The following MSANTD3 variants were observed in gnomAD, a reference collection of about 807,000 sequenced individuals.
The protein encoded by MSANTD3 is myb/SANT-like DNA-binding domain-containing protein 3.
Under a neutral mutation model 27.7 loss-of-function variants are expected in MSANTD3, and 11 were observed. That is an observed-to-expected ratio of 0.40 (90% CI 0.25 to 0.66). The LOEUF is 0.66. MSANTD3 is among the 30% of genes least tolerant of loss of function. The pLI, the probability that MSANTD3 is intolerant of heterozygous loss-of-function variation, is 0.41. For missense variants in MSANTD3, 250 were observed against 336.5 expected (o/e 0.74, Z 2.01); for synonymous variants, 131 against 127.2 (o/e 1.03, Z -0.20).
At chr9:100,444,299 T>C (rs1836700715) in intron 2 of MSANTD3, 1 of 152,210 alleles carries the variant, frequency 6.6e-6, no homozygotes, top group African/African-American at 2.4e-5. Flanking sequence ...GGGAATGTTG[T>C]GTCTGAGTTT....
intron 1 of MSANTD3, among the ~76,000 whole-genome samples, chr9:100,440,205 T>C (rs1836575453): frequency 6.6e-6 from 1 of 152,162 alleles, no homozygotes; most frequent in African/African-American, 2.4e-5. Context: ...ATGGGAATCA[T>C]GGTTGAATCA....
chr9:100,435,503 T>G (rs1012154499), intron 1 of MSANTD3, among the ~76,000 whole-genome samples: 1 of 152,328 alleles, frequency 6.6e-6, no homozygotes, highest in African/African-American at 2.4e-5. Context: ...ATTAGTCTTC[T>G]CAGGCTACCA....
At chr9:100,437,976 T>G (rs183605280) in intron 1 of MSANTD3, among the ~76,000 whole-genome samples, 1 of 152,320 alleles carries the variant, frequency 6.6e-6, no homozygotes, top group East Asian at 1.9e-4. Flanking sequence ...TCATTATTAT[T>G]ACTCTGAGAC....
intron 1 of MSANTD3, among the ~76,000 whole-genome samples, chr9:100,441,212 G>A (rs1043365343): frequency 1.3e-5 from 2 of 151,602 alleles, no homozygotes; most frequent in Non-Finnish European, 2.9e-5. Flanking sequence ...TTTTATATTT[G>A]AGTACACGGT....
rs775738228 is a variant in MSANTD3 at position 100,450,938 on chromosome 9, T to G, written c.800T>G (p.Phe267Cys). 6.2e-7 allele frequency: 1 copy of G among 1,601,596 alleles called. No individual in the cohort carries two copies. The highest frequency in any genetic ancestry group is 1.1e-5 in the South Asian group (1 of 88,472). Residue 267 changes from phenylalanine to cysteine, a missense_variant, in exon 3 of 3, where the codon TTT becomes TGT. Coordinates refer to ENST00000395067, the MANE Select transcript of MSANTD3 (RefSeq NM_080655.3). ...ACCAAGGAATGGCCTGTTTCCTCAT[T>G]TAACCGGCCCTTTCCCAATTCGCCC... ...TFTKEWPVSS[F>C]NRPFPNSP is the part of the protein sequence containing the mutation.
chr9:100,448,035 AC>A (rs1307962665), intron 2 of MSANTD3, among the ~76,000 whole-genome samples: 1 of 152,036 alleles, frequency 6.6e-6, no homozygotes, highest in East Asian at 1.9e-4. Context: ...TACCAAAAAT[AC>A]AAAAAATTAA....
At chr9:100,440,554 C>T (rs1181257654) in intron 1 of MSANTD3, among the ~76,000 whole-genome samples, 1 of 151,686 alleles carries the variant, frequency 6.6e-6, no homozygotes. Flanking sequence ...GTTGCCATTG[C>T]TCCAGGTACA....
intron 2 of MSANTD3, among the ~76,000 whole-genome samples, chr9:100,443,764 C>T (rs933652382): frequency 6.6e-6 from 1 of 152,118 alleles, no homozygotes; most frequent in African/African-American, 2.4e-5. Context: ...GATAAATTTC[C>T]AGAAATTCCT....
intron 2 of MSANTD3, among the ~76,000 whole-genome samples, chr9:100,443,700 A>T (rs1241062080): frequency 6.6e-6 from 1 of 152,220 alleles, no homozygotes; most frequent in Admixed American, 6.5e-5. Context: ...AAAAGGTTGG[A>T]ATTTAGGGGC....
At chr9:100,449,155 C>A in intron 2 of MSANTD3, 1 of 985,392 alleles carries the variant, frequency 1.0e-6, no homozygotes, top group Non-Finnish European at 1.2e-6. Context: ...GCCTTAGAGT[C>A]ACAGCTACAA....
At chr9:100,441,485 A>C (rs1836619317) in intron 1 of MSANTD3, among the ~76,000 whole-genome samples, 1 of 151,398 alleles carries the variant, frequency 6.6e-6, no homozygotes, top group Non-Finnish European at 1.5e-5. Flanking sequence ...ACTACAAAAA[A>C]AAAATTAGCC....
At chr9:100,437,384 A>C (rs918822500) in intron 1 of MSANTD3, among the ~76,000 whole-genome samples, 2 of 152,226 alleles carry the variant, frequency 1.3e-5, no homozygotes, top group African/African-American at 4.8e-5. Context: ...AGAGCTAAGC[A>C]GAGCAGAGAG....
intron 1 of MSANTD3, among the ~76,000 whole-genome samples, chr9:100,429,333 TA>T (rs936936400): frequency 3.9e-5 from 6 of 152,268 alleles, no homozygotes; most frequent in African/African-American, 1.4e-4. Flanking sequence ...TTTGTGAGGA[TA>T]AAATAATGTT....
chr9:100,449,009 A>G, intron 2 of MSANTD3: 4 of 985,360 alleles, frequency 4.1e-6, no homozygotes, highest in Non-Finnish European at 3.6e-6. Flanking sequence ...CCCAGTACCC[A>G]TGAACATTCC....
At position 100,429,194 on chromosome 9, in the gene MSANTD3, G is replaced by C. The variant is rs191658821; in HGVS notation, c.-34+1801G>C. Reference sequence around the variant, plus strand: ...GTTTTTAACCAGGCATTGAAGCAGAGAGTAGGTGGGTACGTAGCGATGGTG... The same window carrying C: ...GTTTTTAACCAGGCATTGAAGCAGACAGTAGGTGGGTACGTAGCGATGGTG... On this transcript the variant is annotated intron_variant, in intron 1 of 2. Transcript: ENST00000395067. 5.9e-4 allele frequency among the ~76,000 whole-genome samples: 90 copies of C among 152,338 alleles called. 1 individual carries two copies. The East Asian group carries it at 0.013, about 23-fold the overall frequency.
chr9:100,440,448 A>G (rs1189541441), intron 1 of MSANTD3, among the ~76,000 whole-genome samples: 2 of 152,102 alleles, frequency 1.3e-5, no homozygotes, highest in African/African-American at 4.8e-5. Flanking sequence ...CACATCTGAA[A>G]TTACATACAT....
At position 100,451,099 on chromosome 9, in the gene MSANTD3, A is replaced by G; in HGVS notation, c.*133A>G. 2 of 886,346 alleles carry G rather than the reference A, an allele frequency of 2.3e-6. No individual in the cohort carries two copies. The highest frequency in any genetic ancestry group is 3.4e-6 in the Non-Finnish European group (2 of 591,776). The allele number at this position is 886,346 out of a possible 1,614,324, so 54.9% of individuals were successfully genotyped here. A position where few individuals can be genotyped will look rare whatever the true frequency, so the allele number is the denominator to read the frequency against. Reference sequence around the variant, plus strand: ...AGTGGTAGTAGTCACTTATTTAAGAATTCATTCAGGTAAACAGCTGCACCC... The same window carrying G: ...AGTGGTAGTAGTCACTTATTTAAGAGTTCATTCAGGTAAACAGCTGCACCC... On this transcript the variant is annotated 3_prime_UTR_variant, in exon 3 of 3. Transcript: ENST00000395067.
rs145524074 is a variant in MSANTD3 at position 100,451,288 on chromosome 9, A to G, written c.*322A>G. The G allele has an allele frequency of 5.7e-4, 129 of 224,994 alleles. No homozygotes were observed. The highest frequency in any genetic ancestry group is 2.6e-3 in the African/African-American group (110 of 42,602). 13.9% of individuals were successfully genotyped at this position (224,994 alleles called of 1,614,324 possible). A position where few individuals can be genotyped will look rare whatever the true frequency, so the allele number is the denominator to read the frequency against. Reference sequence around the variant, plus strand: ...TTTTTAATCAAATGCAAGTGTGACTATAAAGGAGTGTGGCTGATTTTTTTT... The same window carrying G: ...TTTTTAATCAAATGCAAGTGTGACTGTAAAGGAGTGTGGCTGATTTTTTTT... On this transcript the variant is annotated 3_prime_UTR_variant, in exon 3 of 3. Coordinates refer to ENST00000395067, the MANE Select transcript of MSANTD3 (RefSeq NM_080655.3).
intron 1 of MSANTD3, 32 bp downstream of exon 1, chr9:100,427,425 C>T (rs1186737807): frequency 6.8e-6 from 1 of 146,860 alleles, no homozygotes; most frequent in African/African-American, 2.5e-5. Context: ...CGGGCCGCAG[C>T]CGGGCGGGGG....
Sources: gnomAD v4.1 joint callset for allele counts (sites outside exome capture counted in the v4.1 genomes callset) on GRCh38, gnomAD v4.1.1 for gene constraint, MANE v1.5 for transcripts, NCBI Gene and HGNC (gene_info 2026-07-23, HGNC 2026-07-21) for gene names.